The following BTBD9 variants were observed in gnomAD, a reference collection of about 807,000 sequenced individuals.
BTBD9 encodes BTB domain containing 9.
A neutral mutation model predicts 64.3 loss-of-function variants in BTBD9; 49 were observed. The observed-to-expected ratio is 0.76, with a 90% CI of 0.61 to 0.97. The LOEUF is 0.97. Ranked by LOEUF, BTBD9 falls within the 50% of genes least tolerant of loss-of-function variation. The pLI, the probability that BTBD9 is intolerant of heterozygous loss-of-function variation, is 0.00. For missense variants in BTBD9, 598 were observed against 762.1 expected, an observed-to-expected ratio of 0.78 and a Z score of 2.53; for synonymous variants, 260 against 274.7, an observed-to-expected ratio of 0.95 and a Z score of 0.53.
intron 6 of BTBD9, among the ~76,000 whole-genome samples, chr6:38,416,436 G>A (rs1166199823): frequency 1.3e-5 from 2 of 149,860 alleles, no homozygotes; most frequent in African/African-American, 2.5e-5. Context: ...CCGGGTTCAC[G>A]CCATTCTCCT....
intron 6 of BTBD9, among the ~76,000 whole-genome samples, chr6:38,566,764 T>C (rs1467130909): frequency 1.3e-5 from 2 of 152,206 alleles, no homozygotes. Flanking sequence ...TCAAGTGTGA[T>C]TTTAAGCACT....
chr6:38,229,448 T>C (rs1387778100), intron 9 of BTBD9, among the ~76,000 whole-genome samples: 1 of 152,196 alleles, frequency 6.6e-6, no homozygotes, highest in African/African-American at 2.4e-5. Flanking sequence ...TACCTGGATC[T>C]TGTTTTATCC....
chr6:38,358,207 T>C (rs1764808350), intron 6 of BTBD9, among the ~76,000 whole-genome samples: 1 of 151,998 alleles, frequency 6.6e-6, no homozygotes, highest in Non-Finnish European at 1.5e-5. Context: ...ACAATCACTA[T>C]ATTCCACATG....
At chr6:38,461,149 C>A (rs184175869) in intron 6 of BTBD9, among the ~76,000 whole-genome samples, 1 of 152,188 alleles carries the variant, frequency 6.6e-6, no homozygotes, top group African/African-American at 2.4e-5. Flanking sequence ...GAGAGTGAAG[C>A]TTTTGTTTGC....
chr6:38,582,721 A>T (rs1217835522), intron 4 of BTBD9, among the ~76,000 whole-genome samples: 1 of 152,222 alleles, frequency 6.6e-6, no homozygotes, highest in Non-Finnish European at 1.5e-5. Flanking sequence ...TTCAGGCTCT[A>T]TCATTCACCC....
intron 6 of BTBD9, among the ~76,000 whole-genome samples, chr6:38,505,442 T>C (rs1385539542): frequency 6.6e-6 from 1 of 151,832 alleles, no homozygotes; most frequent in Non-Finnish European, 1.5e-5. Flanking sequence ...GAGGCCAACA[T>C]GGTGAAACCC....
At chr6:38,487,353 G>A (rs186390981) in intron 6 of BTBD9, among the ~76,000 whole-genome samples, 27 of 152,290 alleles carry the variant, frequency 1.8e-4, no homozygotes, top group Admixed American at 3.3e-4. Context: ...GACCGAGGAG[G>A]GCAGATCACT....
chr6:38,360,829 C>G (rs933824138), intron 6 of BTBD9, among the ~76,000 whole-genome samples: 1 of 152,120 alleles, frequency 6.6e-6, no homozygotes, highest in Non-Finnish European at 1.5e-5. Context: ...AACAAGATAA[C>G]GGCTAGAGGG....
intron 9 of BTBD9, among the ~76,000 whole-genome samples, chr6:38,254,242 A>G (rs10947723): frequency 0.46 from 69,623 of 151,160 alleles, 17,127 homozygotes; most frequent in East Asian, 0.55. Context: ...CTGTCCCATG[A>G]CTGAGAAATA....
chr6:38,343,473 T>G (rs1372915268), intron 7 of BTBD9, among the ~76,000 whole-genome samples: 2 of 152,132 alleles, frequency 1.3e-5, no homozygotes, highest in African/African-American at 2.4e-5. Context: ...AAGAAGGGTC[T>G]TGGTTTCTAA....
intron 6 of BTBD9, among the ~76,000 whole-genome samples, chr6:38,543,224 T>TAG (rs1371056631): frequency 6.1e-4 from 89 of 146,324 alleles, no homozygotes; most frequent in Admixed American, 2.7e-3. Context: ...AAAGGTCTCC[T>TAG]CTGACCACAG....
rs1377265512 is a variant in BTBD9, at chr6:38,266,675, AAAG to A, written c.1455-10162_1455-10160del. On this transcript the variant is annotated intron_variant, in intron 8 of 10. Transcript: ENST00000481247. ...GAAAGAAAGAAAGAAAGAAAGAAAG[AAAG>A]AAGAAAAAGAAAATTATCTCATTTT... is the stretch of plus-strand genomic sequence containing the variant. Among the ~76,000 whole-genome samples, 236 of 138,586 alleles carry A rather than the reference AAAG, an allele frequency of 1.7e-3. 1 individual carries two copies. The highest frequency in any genetic ancestry group is 1.4e-3 in the Non-Finnish European group (92 of 64,928). The allele number at this position is 138,586 out of a possible 152,430, so 90.9% of individuals were successfully genotyped here. A position where few individuals can be genotyped will look rare whatever the true frequency, so the allele number is the denominator to read the frequency against.
At chr6:38,509,177 C>T (rs1051457814) in intron 6 of BTBD9, among the ~76,000 whole-genome samples, 1 of 152,072 alleles carries the variant, frequency 6.6e-6, no homozygotes, top group African/African-American at 2.4e-5. Flanking sequence ...GGAGGTTACT[C>T]AATAGGGGGA....
chr6:38,475,904 G>A (rs956388142), intron 6 of BTBD9, among the ~76,000 whole-genome samples: 1 of 152,082 alleles, frequency 6.6e-6, no homozygotes, highest in Non-Finnish European at 1.5e-5. Context: ...AGCCAGGCCT[G>A]GAAACACGAT....
At chr6:38,582,359 T>C (rs1344100491) in intron 4 of BTBD9, among the ~76,000 whole-genome samples, 1 of 152,238 alleles carries the variant, frequency 6.6e-6, no homozygotes, top group Non-Finnish European at 1.5e-5. Context: ...CAAATATTAA[T>C]TCCTTTGACT....
intron 6 of BTBD9, among the ~76,000 whole-genome samples, chr6:38,511,777 T>A (rs930681541): frequency 6.6e-6 from 1 of 152,118 alleles, no homozygotes; most frequent in Non-Finnish European, 1.5e-5. Context: ...AAGTTTCACA[T>A]GGAAAGGCAA....
At chr6:38,374,296 T>TATATATATATAC (rs1491482634) in intron 6 of BTBD9, among the ~76,000 whole-genome samples, 26 of 70,548 alleles carry the variant, frequency 3.7e-4, no homozygotes, top group Non-Finnish European at 4.5e-4. Context: ...TATATATATA[T>TATATATATATAC]GTATATATAT....
At chr6:38,360,993 T>C (rs1355694152) in intron 6 of BTBD9, among the ~76,000 whole-genome samples, 1 of 152,228 alleles carries the variant, frequency 6.6e-6, no homozygotes, top group East Asian at 1.9e-4. Flanking sequence ...TCTGACCTAA[T>C]GGCATCCCTT....
chr6:38,514,632 C>T (rs549851444), intron 6 of BTBD9, among the ~76,000 whole-genome samples: 1 of 152,276 alleles, frequency 6.6e-6, no homozygotes, highest in East Asian at 1.9e-4. Context: ...GAACCAACCA[C>T]TCATTAAAGG....
Sources: allele counts gnomAD v4.1 joint callset (sites outside exome capture counted in the v4.1 genomes callset), GRCh38; gene constraint gnomAD v4.1.1; transcripts MANE v1.5; gene names NCBI Gene and HGNC (gene_info 2026-07-23, HGNC 2026-07-21).